Variants in FLRT1 observed in about 807,000 individuals in gnomAD.
The protein encoded by FLRT1 is fibronectin leucine rich transmembrane protein 1.
In FLRT1, 14 loss-of-function variants were observed where a neutral mutation model predicts 30.9. That is an observed-to-expected ratio of 0.45 (90% CI 0.30 to 0.71). FLRT1 has a LOEUF of 0.71. Among genes scored for constraint, FLRT1 ranks in the 30% least tolerant of loss-of-function variants. FLRT1 has a pLI of 0.08. For missense variants in FLRT1, 737 were observed against 949.2 expected (o/e 0.78, Z 2.94); for synonymous variants, 368 against 430.4 (o/e 0.85, Z 1.80).
At chr11:64,059,582 G>A (rs1197261422) in intron 1 of FLRT1, among the ~76,000 whole-genome samples, 1 of 152,190 alleles carries the variant, frequency 6.6e-6, no homozygotes, top group Non-Finnish European at 1.5e-5. Context: ...CTCAGAGGCT[G>A]GAAGGTGTGT....
chr11:64,056,520 G>C lies in FLRT1; in HGVS notation c.-1038+20361G>C, dbSNP rs141289708. On this transcript the variant is annotated intron_variant, in intron 1 of 2. Transcript: ENST00000682287. ...CAGACGGACGGAGAGACGGAGCCTG[G>C]GTCTCCATCTGTAGGCAACAGCCGG... is the stretch of plus-strand genomic sequence containing the variant. Among the ~76,000 whole-genome samples, 1,098 of 152,330 alleles carry C rather than the reference G, an allele frequency of 7.2e-3. 16 individuals carry two copies. The highest frequency in any genetic ancestry group is 0.026 in the African/African-American group (1,064 of 41,566).
intron 1 of FLRT1, among the ~76,000 whole-genome samples, chr11:64,038,879 C>T (rs559279519): frequency 1.1e-3 from 174 of 152,286 alleles, no homozygotes; most frequent in African/African-American, 3.3e-3. Flanking sequence ...GCAAGTGACC[C>T]GTCTTCCTCA....
chr11:64,041,145 T>C (rs1279597249), intron 1 of FLRT1, among the ~76,000 whole-genome samples: 2 of 125,694 alleles, frequency 1.6e-5, no homozygotes, highest in Non-Finnish European at 3.2e-5. Context: ...CCCCTTTCCC[T>C]CCTTCTGCCT....
chr11:64,078,880 C>T (rs1159401111), intron 1 of FLRT1, among the ~76,000 whole-genome samples: 3 of 152,138 alleles, frequency 2.0e-5, no homozygotes, highest in South Asian at 2.1e-4. Context: ...GAGGGGACAG[C>T]GAGAACTCAG....
At chr11:64,079,611 T>C (rs1944268624) in intron 1 of FLRT1, among the ~76,000 whole-genome samples, 1 of 152,112 alleles carries the variant, frequency 6.6e-6, no homozygotes, top group Non-Finnish European at 1.5e-5. Flanking sequence ...GGAGATGGGC[T>C]AGACGGAGGC....
rs769448815 is a variant in FLRT1 at position 64,117,628 on chromosome 11, C to T, written c.1361C>T (p.Thr454Met). ...CTGACGGCAGACTCCATCCGCATCACGTGGAAGGCCACGCTCCCCGCCTCC... is the reference window on the plus strand; with the variant it reads ...CTGACGGCAGACTCCATCCGCATCATGTGGAAGGCCACGCTCCCCGCCTCC... ...KALTADSIRI[T>M]WKATLPASSF... The change falls in exon 3 of 3, where the codon ACG becomes ATG. Residue 454 changes from threonine (T) to methionine (M), a missense_variant. Physicochemically the swap from Thr to Met is moderately conservative, Grantham distance 81. Transcript: ENST00000682287. The T allele has an allele frequency of 6.2e-6, 10 of 1,613,790 alleles. No homozygotes were observed. The Admixed American group carries it at 6.7e-5, about 11-fold the overall frequency.
chr11:64,078,883 G>A (rs1171041129), intron 1 of FLRT1, among the ~76,000 whole-genome samples: 2 of 152,252 alleles, frequency 1.3e-5, no homozygotes, highest in African/African-American at 4.8e-5. Context: ...GGGACAGCGA[G>A]AACTCAGAGT....
intron 1 of FLRT1, among the ~76,000 whole-genome samples, chr11:64,051,683 T>C (rs1214039188): frequency 6.6e-6 from 1 of 151,984 alleles, no homozygotes; most frequent in African/African-American, 2.4e-5. Context: ...GCCCGGAGCT[T>C]ATAGGGGCAG....
chr11:64,108,331 A>G (rs1440606135), intron 2 of FLRT1, among the ~76,000 whole-genome samples: 6 of 149,986 alleles, frequency 4.0e-5, no homozygotes, highest in Admixed American at 3.3e-4. Context: ...AAAAAAAAAG[A>G]CTTGAGACCC....
intron 1 of FLRT1, among the ~76,000 whole-genome samples, chr11:64,092,104 G>T (rs7125717): frequency 6.6e-5 from 10 of 152,202 alleles, no homozygotes. Flanking sequence ...AAAGGCCACC[G>T]TCCTTCCTGG....
At position 64,074,552 on chromosome 11, in the gene FLRT1, G is replaced by A. The variant is rs780242751; in HGVS notation, c.-1037-28642G>A. Among the ~76,000 whole-genome samples, 6 of 152,222 alleles carry A rather than the reference G, an allele frequency of 3.9e-5. No homozygotes were observed. In the South Asian group the frequency reaches 6.2e-4, roughly 16 times the overall value. ...CACGCAGCAAATAACGTGTGGAGAA[G>A]CAATTCCGATGTCACCTCCATGTCC... On this transcript the variant is annotated intron_variant, in intron 1 of 2. Transcript: ENST00000682287.
At chr11:64,070,010 C>T (rs540091755) in intron 1 of FLRT1, among the ~76,000 whole-genome samples, 3 of 152,216 alleles carry the variant, frequency 2.0e-5, no homozygotes, top group Admixed American at 6.5e-5. Context: ...GGGGGACAGG[C>T]GGGGATGGTG....
At chr11:64,057,004 G>A (rs1163471478) in intron 1 of FLRT1, among the ~76,000 whole-genome samples, 1 of 152,142 alleles carries the variant, frequency 6.6e-6, no homozygotes, top group Non-Finnish European at 1.5e-5. Context: ...CAGCTTCTGC[G>A]CCCGTGTCAC....
intron 1 of FLRT1, among the ~76,000 whole-genome samples, chr11:64,050,323 T>C (rs1943669243): frequency 6.6e-6 from 1 of 151,778 alleles, no homozygotes; most frequent in Admixed American, 6.5e-5. Flanking sequence ...CTTGACTGAG[T>C]TTAGTGCTCT....
chr11:64,079,928 G>C (rs1401502086), intron 1 of FLRT1, among the ~76,000 whole-genome samples: 1 of 152,152 alleles, frequency 6.6e-6, no homozygotes, highest in Admixed American at 6.5e-5. Flanking sequence ...TTGTATCACA[G>C]GAAGGGACAA....
intron 1 of FLRT1, among the ~76,000 whole-genome samples, chr11:64,049,546 T>C (rs1022081475): frequency 6.6e-6 from 1 of 152,210 alleles, no homozygotes; most frequent in Non-Finnish European, 1.5e-5. Context: ...CCAAGCGGTC[T>C]TGGTCTCCGA....
intron 1 of FLRT1, among the ~76,000 whole-genome samples, chr11:64,049,277 G>A (rs1943645164): frequency 6.6e-6 from 1 of 152,118 alleles, no homozygotes; most frequent in South Asian, 2.1e-4. Flanking sequence ...ACAGAGAAGC[G>A]AAAAAGGGAC....
At chr11:64,075,431 C>T (rs1445146669) in intron 1 of FLRT1, among the ~76,000 whole-genome samples, 1 of 152,260 alleles carries the variant, frequency 6.6e-6, no homozygotes, top group Admixed American at 6.5e-5. Flanking sequence ...TTCCATTTTA[C>T]AGATGGAAGC....
rs1331568863 is a variant in FLRT1, at chr11:64,096,502, G to A, written c.-1037-6692G>A. On this transcript the variant is annotated intron_variant, in intron 1 of 2. Transcript: ENST00000682287. The surrounding 1 kb of genome is among the most constrained non-coding windows in gnomAD (Gnocchi z 4.6). Reference sequence around the variant, plus strand: ...ATGATCTCGGCTCACTGCAACCTCCGCCTTCCGGGTTCAAGCAATTCTCTT... The same window carrying A: ...ATGATCTCGGCTCACTGCAACCTCCACCTTCCGGGTTCAAGCAATTCTCTT... Among the ~76,000 whole-genome samples the A allele has an allele frequency of 2.6e-5, 4 of 151,430 alleles. No homozygotes were observed. Among genetic ancestry groups the A allele is most frequent in the South Asian group, 2.1e-4 (1 of 4,768 alleles).
Sources: gnomAD v4.1 joint callset for allele counts (sites outside exome capture counted in the v4.1 genomes callset) on GRCh38, gnomAD v4.1.1 for gene constraint, Gnocchi (gnomAD v3.1) non-coding constraint, MANE v1.5 for transcripts, NCBI Gene and HGNC (gene_info 2026-07-23, HGNC 2026-07-21) for gene names.